The following CCDC171 variants were observed in gnomAD, a reference collection of about 807,000 sequenced individuals.
The protein encoded by CCDC171 is coiled-coil domain-containing protein 171.
CCDC171 carries 177 observed loss-of-function variants against 168.2 expected under a neutral mutation model. The observed-to-expected ratio is 1.05, with a 90% confidence interval of 0.93 to 1.19. CCDC171 has a LOEUF of 1.19. Ranked by LOEUF, CCDC171 falls within the 50% of genes most tolerant of loss-of-function variation. The probability of loss-of-function intolerance (pLI) is 0.00; values close to 1 mark genes in which losing one functional copy is unlikely to be tolerated. For missense variants in CCDC171, 1,991 were observed against 1,539.0 expected (o/e 1.29, Z -4.91); for synonymous variants, 687 against 540.8 (o/e 1.27, Z -3.75).
intron 16 of CCDC171, among the ~76,000 whole-genome samples, chr9:15,730,169 A>C (rs1439358553): frequency 6.6e-6 from 1 of 151,812 alleles, no homozygotes; most frequent in African/African-American, 2.4e-5. Context: ...GGTTTACTCC[A>C]TTTGTGGAGG....
chr9:16,031,969 G>A (rs923847632), intron 6 of CCDC171, among the ~76,000 whole-genome samples: 8 of 152,216 alleles, frequency 5.3e-5, no homozygotes, highest in African/African-American at 1.9e-4. Context: ...CAGCAGGGGA[G>A]CACGGCCAGT....
intron 6 of CCDC171, among the ~76,000 whole-genome samples, chr9:15,600,447 A>C (rs550638407): frequency 2.6e-5 from 4 of 152,340 alleles, no homozygotes; most frequent in Non-Finnish European, 5.9e-5. Context: ...GCTGCAGAAC[A>C]GCAGATATTG....
At chr9:15,979,666 CT>C (rs900020308) in intron 3 of CCDC171, among the ~76,000 whole-genome samples, 3 of 150,570 alleles carry the variant, frequency 2.0e-5, no homozygotes, top group Non-Finnish European at 4.4e-5. Flanking sequence ...GGTATGTAAT[CT>C]TTTTTTTTCA....
At chr9:15,665,136 T>A (rs1021456633) in intron 8 of CCDC171, among the ~76,000 whole-genome samples, 1 of 152,048 alleles carries the variant, frequency 6.6e-6, no homozygotes, top group African/African-American at 2.4e-5. Context: ...TTTTTTTAAA[T>A]TTTTTATTTT....
chr9:15,945,312 C>T (rs571062237), intron 25 of CCDC171, among the ~76,000 whole-genome samples: 1 of 147,486 alleles, frequency 6.8e-6, no homozygotes, highest in Non-Finnish European at 1.5e-5. Context: ...CAAGTCTTTG[C>T]TATTGTGAAT....
intron 2 of CCDC171, among the ~76,000 whole-genome samples, chr9:15,564,832 T>G (rs907064262): frequency 2.3e-4 from 35 of 152,250 alleles, no homozygotes; most frequent in African/African-American, 6.0e-4. Flanking sequence ...TTCTGTCTGC[T>G]GAATCTAAGA....
At position 15,598,936 on chromosome 9, in the gene CCDC171, CT is replaced by C. The variant is rs554082137; in HGVS notation, c.675+4766del. On this transcript the variant is annotated intron_variant, in intron 6 of 25. Transcript: ENST00000380701. ...CTTTGTCTCTTTTGATCTTTGTTGG[CT>C]TAAAGTCTGTTTTATCAGAGACTAG... Among the ~76,000 whole-genome samples the C allele has an allele frequency of 1.4e-4, 22 of 152,116 alleles. No homozygotes were observed. The East Asian group carries it at 4.1e-3, about 28-fold the overall frequency.
chr9:16,047,712 G>A (rs1182773602), intron 1 of CCDC171, among the ~76,000 whole-genome samples: 1 of 152,208 alleles, frequency 6.6e-6, no homozygotes, highest in Non-Finnish European at 1.5e-5. Flanking sequence ...GGTACCTTGG[G>A]TAAATGACTA....
intron 21 of CCDC171, among the ~76,000 whole-genome samples, chr9:15,801,117 T>C (rs2058801266): frequency 6.6e-6 from 1 of 151,778 alleles, no homozygotes; most frequent in African/African-American, 2.4e-5. Flanking sequence ...TCCATGTAAA[T>C]TTTAGGATTT....
intron 1 of CCDC171, among the ~76,000 whole-genome samples, chr9:15,561,436 A>G (rs2039293416): frequency 6.6e-6 from 1 of 152,202 alleles, no homozygotes; most frequent in Admixed American, 6.5e-5. Flanking sequence ...TTAATCACTG[A>G]CATAGTTTGA....
At chr9:15,811,655 T>A (rs1227373317) in intron 21 of CCDC171, among the ~76,000 whole-genome samples, 2 of 152,248 alleles carry the variant, frequency 1.3e-5, no homozygotes, top group African/African-American at 4.8e-5. Flanking sequence ...ATGATTTTTT[T>A]CTTGAGTCCT....
intron 6 of CCDC171, among the ~76,000 whole-genome samples, chr9:15,617,061 C>G (rs7032684): frequency 6.6e-6 from 1 of 152,162 alleles, no homozygotes; most frequent in Non-Finnish European, 1.5e-5. Context: ...CCTCTCTATA[C>G]TGGTTATTCT....
chr9:15,613,315 T>G (rs1374962135), intron 6 of CCDC171, among the ~76,000 whole-genome samples: 2 of 152,096 alleles, frequency 1.3e-5, no homozygotes. Flanking sequence ...TTTAAGTGAA[T>G]GACGTAGAAT....
chr9:15,920,160 G>A, intron 24 of CCDC171, 110 bp from the exon 25 acceptor site: 1 of 594,610 alleles, frequency 1.7e-6, no homozygotes, highest in Non-Finnish European at 2.7e-6. Context: ...AAAGAAAGAT[G>A]AAAAGTTGTT....
intron 24 of CCDC171, among the ~76,000 whole-genome samples, chr9:15,894,400 A>G (rs982888567): frequency 2.6e-5 from 4 of 152,108 alleles, no homozygotes; most frequent in African/African-American, 9.7e-5. Context: ...TAACAAACCT[A>G]CACATCCTGA....
intron 23 of CCDC171, among the ~76,000 whole-genome samples, chr9:15,858,791 C>T (rs753514038): frequency 2.1e-4 from 32 of 152,060 alleles, no homozygotes; most frequent in Middle Eastern, 6.8e-3. Flanking sequence ...CTCATCTATT[C>T]TAAAGGGGTT....
In CCDC171 at chr9:15,676,675, T is replaced by C. The variant is rs2049594733; in HGVS notation, c.1077-2083T>C. On this transcript the variant is annotated intron_variant, in intron 9 of 25. Coordinates refer to ENST00000380701, the MANE Select transcript of CCDC171 (RefSeq NM_173550.4). ...TTGTGCCTTATTCTTTATTTGATTT[T>C]CTCCATTGGAAAGTAGCTATTTGAG... is the stretch of plus-strand genomic sequence containing the variant. 2.6e-5 allele frequency among the ~76,000 whole-genome samples: 4 copies of C among 152,332 alleles called. No homozygotes were observed. The South Asian group carries it at 8.3e-4, about 32-fold the overall frequency.
chr9:15,856,409 C>T (rs1307595776), intron 23 of CCDC171, among the ~76,000 whole-genome samples: 5 of 151,892 alleles, frequency 3.3e-5, no homozygotes, highest in African/African-American at 9.7e-5. Flanking sequence ...ATTTTAGATA[C>T]GTCATATAAG....
At chr9:15,588,152 T>C (rs886769657) in intron 4 of CCDC171, among the ~76,000 whole-genome samples, 1 of 152,124 alleles carries the variant, frequency 6.6e-6, no homozygotes, top group Non-Finnish European at 1.5e-5. Flanking sequence ...GGAGAATCAC[T>C]TGAACCTGGG....
Sources: allele counts gnomAD v4.1 joint callset (sites outside exome capture counted in the v4.1 genomes callset), GRCh38; gene constraint gnomAD v4.1.1; transcripts MANE v1.5; gene names NCBI Gene and HGNC (gene_info 2026-07-23, HGNC 2026-07-21).